The following ZNF597 variants were observed in gnomAD, a reference collection of about 807,000 sequenced individuals.
ZNF597 encodes zinc finger protein 597.
Under a neutral mutation model 7.3 loss-of-function variants are expected in ZNF597, and 5 were observed. That is an observed-to-expected ratio of 0.68 (90% CI 0.36 to 1.44). The LOEUF is 1.44. Among genes scored for constraint, ZNF597 ranks in the 40% most tolerant of loss-of-function variants. ZNF597 has a pLI of 0.04. For synonymous variants in ZNF597, 209 were observed against 185.4 expected (o/e 1.13, Z -1.04); for missense variants, 585 against 517.9 (o/e 1.13, Z -1.26).
Position 3,433,334 on chromosome 16 carries a change from T to C in ZNF597, c.*3090A>G, listed in dbSNP as rs1682500676. On this transcript the variant is annotated 3_prime_UTR_variant, in exon 4 of 4. Transcript: ENST00000301744. Reference sequence around the variant, plus strand: ...CATCAATGACGACTGTTTAAAAGACTGTTTAACTATTCCAGCAATCATGTT... The same window carrying C: ...CATCAATGACGACTGTTTAAAAGACCGTTTAACTATTCCAGCAATCATGTT... 6.6e-6 allele frequency: 1 copy of C among 152,164 alleles called. No individual in the cohort carries two copies. The highest frequency in any genetic ancestry group is 2.4e-5 in the African/African-American group (1 of 41,370). 9.4% of individuals were successfully genotyped at this position (152,164 alleles called of 1,614,324 possible).
Position 3,440,815 on chromosome 16 carries a change from G to C in ZNF597, c.152C>G (p.Ala51Gly). The C allele has an allele frequency of 6.2e-7, 1 of 1,613,768 alleles. No individual in the cohort carries two copies. Among genetic ancestry groups the C allele is most frequent in the East Asian group, 2.2e-5 (1 of 44,866 alleles). Residue 51 changes from alanine (A) to glycine (G), a missense_variant, in exon 3 of 4, where the codon GCT (alanine) becomes GGT (glycine). Ala to Gly is a moderately conservative substitution (Grantham distance 60). Transcript: ENST00000301744. ...DGTKESLEDA[A>G]LMGEEGKPEI... ...AAAAACAATTGCCTTACCCATCAAA[G>C]CCGCATCCTCCAAAGACTCTTTTGT... is the stretch of plus-strand genomic sequence containing the variant.
chr16:3,443,074 G>T, intron 2 of ZNF597, 47 bp downstream of exon 2: 8 of 1,613,374 alleles, frequency 5.0e-6, no homozygotes, highest in Non-Finnish European at 5.9e-6. Flanking sequence ...GTCAGGCAGA[G>T]ACCGAAAGCA....
In ZNF597 at chr16:3,434,284, T is replaced by C. The variant is rs1275500025; in HGVS notation, c.*2140A>G. Reference sequence around the variant, plus strand: ...TCTTAGGGCCCCTGATATGTGCTGATGAGGCTCCTGCCAGTTTCTCCCACT... The same window carrying C: ...TCTTAGGGCCCCTGATATGTGCTGACGAGGCTCCTGCCAGTTTCTCCCACT... On this transcript the variant is annotated 3_prime_UTR_variant, in exon 4 of 4. Coordinates refer to ENST00000301744, the MANE Select transcript of ZNF597 (RefSeq NM_152457.3). The C allele has an allele frequency of 6.6e-6, 1 of 152,222 alleles. No individual in the cohort carries two copies. 9.4% of individuals were successfully genotyped at this position (152,222 alleles called of 1,614,324 possible).
chr16:3,440,688 C>G, intron 3 of ZNF597, 119 bp downstream of exon 3: 1 of 1,300,346 alleles, frequency 7.7e-7, no homozygotes, highest in South Asian at 1.4e-5. Flanking sequence ...CAATTATCAC[C>G]TCCACATAAA....
intron 3 of ZNF597, among the ~76,000 whole-genome samples, chr16:3,438,823 C>T (rs2034333324): frequency 6.6e-6 from 1 of 151,980 alleles, no homozygotes. Context: ...TCCAAGTATT[C>T]TTCAGTTATA....
chr16:3,438,514 G>T (rs936585424), intron 3 of ZNF597, among the ~76,000 whole-genome samples: 5 of 151,152 alleles, frequency 3.3e-5, no homozygotes, highest in African/African-American at 1.2e-4. Context: ...AGTGAGCCGA[G>T]ATCGCGCCAC....
At position 3,433,867 on chromosome 16, in the gene ZNF597, A is replaced by T. The variant is rs2034275781; in HGVS notation, c.*2557T>A. ...TACTAATCATTAACAGTATTATACC[A>T]AAAAGCCATTTTAGTTCTACCCACA... On this transcript the variant is annotated 3_prime_UTR_variant, in exon 4 of 4. Transcript: ENST00000301744. 1 of 152,194 alleles carries T rather than the reference A, an allele frequency of 6.6e-6. No individual in the cohort carries two copies. The highest frequency in any genetic ancestry group is 2.4e-5 in the African/African-American group (1 of 41,448). 9.4% of individuals were successfully genotyped at this position (152,194 alleles called of 1,614,324 possible).
Position 3,435,632 on chromosome 16 carries a change from C to T in ZNF597, c.*792G>A, listed in dbSNP as rs2034293118. On this transcript the variant is annotated 3_prime_UTR_variant, in exon 4 of 4. Coordinates refer to ENST00000301744, the MANE Select transcript of ZNF597 (RefSeq NM_152457.3). ...ATATCTAAAGTAGCTAGCATGCTCA[C>T]TGAGAAACAATTACAATTATTCATA... 1 of 152,114 alleles carries T rather than the reference C, an allele frequency of 6.6e-6. No homozygotes were observed. The highest frequency in any genetic ancestry group is 1.5e-5 in the Non-Finnish European group (1 of 68,012). 9.4% of individuals were successfully genotyped at this position (152,114 alleles called of 1,614,324 possible). A position where few individuals can be genotyped will look rare whatever the true frequency, so the allele number is the denominator to read the frequency against.
intron 2 of ZNF597, 110 bp from the exon 3 acceptor site, chr16:3,441,043 C>T (rs2150934247): frequency 4.2e-6 from 6 of 1,441,066 alleles, no homozygotes; most frequent in Admixed American, 2.3e-5. Flanking sequence ...ATAAAAGGCT[C>T]GGTGTAAAAG....
Position 3,436,536 on chromosome 16 carries a change from T to C in ZNF597, c.1163A>G (p.Gln388Arg), listed in dbSNP as rs970799418. The part of the protein sequence containing the change: ...FALDSELACH[Q>R]KSHMLAEPFK... ...AGGTTCCGCTAGCATGTGGCTCTTC[T>C]GGTGGCATGCAAGTTCTGAGTCCAA... The change falls in exon 4 of 4, where the codon CAG becomes CGG. Residue 388 changes from glutamine (Q) to arginine (R), a missense_variant. Coordinates refer to ENST00000301744, the MANE Select transcript of ZNF597 (RefSeq NM_152457.3). 8.7e-6 allele frequency: 14 copies of C among 1,614,030 alleles called. No homozygotes were observed. The highest frequency in any genetic ancestry group is 5.0e-5 in the Admixed American group (3 of 59,994).
intron 3 of ZNF597, among the ~76,000 whole-genome samples, chr16:3,439,322 G>C (rs552417597): frequency 6.6e-6 from 1 of 152,214 alleles, no homozygotes; most frequent in Admixed American, 6.5e-5. Context: ...GGTCAGGGCT[G>C]CAGTGAGCCG....
Position 3,437,160 on chromosome 16 carries a change from C to T in ZNF597, c.539G>A (p.Gly180Glu), listed in dbSNP as rs778096126. 3.1e-6 allele frequency: 5 copies of T among 1,614,020 alleles called. No individual in the cohort carries two copies. The South Asian group carries it at 4.4e-5, about 14-fold the overall frequency. ...GTCACCACATTTATGTTTTTTCTCT[C>T]CTGAATGAATTTTCTGATGCAAAAC... ...YLVLHQKIHS[G>E]EKKHKCGDCG... is the part of the protein sequence containing the mutation. The change falls in exon 4 of 4, where the codon GGA (glycine) becomes GAA (glutamate). Residue 180 changes from glycine (G) to glutamate (E), a missense_variant. Physicochemically the swap from Gly to Glu is moderately conservative, Grantham distance 98. Transcript: ENST00000301744.
chr16:3,443,107 G>T lies in ZNF597; in HGVS notation c.33+14C>A. 9 of 1,614,196 alleles carry T rather than the reference G, an allele frequency of 5.6e-6. No homozygotes were observed. The highest frequency in any genetic ancestry group is 7.6e-6 in the Non-Finnish European group (9 of 1,180,024). On this transcript the variant is annotated intron_variant, in intron 2 of 3. Coordinates refer to ENST00000301744, the MANE Select transcript of ZNF597 (RefSeq NM_152457.3). ...GCAGCAATAAACTTGGACGAAAAAG[G>T]TACCTCGACTCACCTGGGCCTCGGG...
Position 3,440,932 on chromosome 16 carries a change from C to A in ZNF597, c.35G>T (p.Gly12Val). The change falls in exon 3 of 4, where the codon GGA (glycine) becomes GTA (valine). Residue 12 changes from glycine to valine, a missense_variant and splice_region_variant. Physicochemically the swap from Gly to Val is moderately radical, Grantham distance 109 (BLOSUM62 -3). Coordinates refer to ENST00000301744, the MANE Select transcript of ZNF597 (RefSeq NM_152457.3). ...ASMPPTPEAQGPILFEDLAVY... is the reference protein window; with the variant it reads ...ASMPPTPEAQVPILFEDLAVY... ...AGCCAGATCCTCAAAGAGTATTGGT[C>A]CCTGAAACACAAGAGCCTGTGTCAG... The A allele has an allele frequency of 6.2e-7, 1 of 1,612,982 alleles. No individual in the cohort carries two copies. The highest frequency in any genetic ancestry group is 1.1e-5 in the South Asian group (1 of 90,940).
Position 3,436,985 on chromosome 16 carries a change from C to T in ZNF597, c.714G>A (p.Lys238=), listed in dbSNP as rs1444849785. 1 of 1,614,184 alleles carries T rather than the reference C, an allele frequency of 6.2e-7. No homozygotes were observed. The highest frequency in any genetic ancestry group is 1.1e-5 in the South Asian group (1 of 91,086). The change falls in exon 4 of 4, where the codon AAG becomes AAA. Residue 238 remains lysine (K), a synonymous_variant. Coordinates refer to ENST00000301744, the MANE Select transcript of ZNF597 (RefSeq NM_152457.3). ...SRHMNSHVKE[K]PYTCSICGRG... Reference sequence around the variant, plus strand: ...TACCACATATGCTACATGTATAGGGCTTCTCCTTTACGTGGCTATTCATGT... The same window carrying T: ...TACCACATATGCTACATGTATAGGGTTTCTCCTTTACGTGGCTATTCATGT...
At position 3,436,366 on chromosome 16, in the gene ZNF597, T is replaced by C; in HGVS notation, c.*58A>G. 1 of 1,524,554 alleles carries C rather than the reference T, an allele frequency of 6.6e-7. No individual in the cohort carries two copies. The highest frequency in any genetic ancestry group is 1.2e-5 in the South Asian group (1 of 80,848). 94.4% of individuals were successfully genotyped at this position (1,524,554 alleles called of 1,614,324 possible). A position where few individuals can be genotyped will look rare whatever the true frequency, so the allele number is the denominator to read the frequency against. ...TGCCTGGGACATATACAGTAACTGC[T>C]TCCCACCATACAGATACTGAAAAGC... On this transcript the variant is annotated 3_prime_UTR_variant, in exon 4 of 4. Coordinates refer to ENST00000301744, the MANE Select transcript of ZNF597 (RefSeq NM_152457.3).
At chr16:3,438,799 C>A (rs546544660) in intron 3 of ZNF597, among the ~76,000 whole-genome samples, 3 of 152,198 alleles carry the variant, frequency 2.0e-5, no homozygotes, top group South Asian at 2.1e-4. Flanking sequence ...AACTAACATT[C>A]CTGTGTAATA....
intron 1 of ZNF597, 40 bp from the exon 2 acceptor site, chr16:3,443,246 G>C: frequency 1.5e-6 from 2 of 1,325,054 alleles, no homozygotes; most frequent in South Asian, 2.7e-5. Flanking sequence ...GACCAATTCC[G>C]CTGCCAAGTT....
At chr16:3,437,601 AG>A in intron 3 of ZNF597, 63 bp from the exon 4 acceptor site, 1 of 1,510,010 alleles carries the variant, frequency 6.6e-7, no homozygotes, top group South Asian at 1.4e-5. Flanking sequence ...CTGGGGAAAA[AG>A]TAAGCTAAGG....
Sources: allele counts gnomAD v4.1 joint callset (sites outside exome capture counted in the v4.1 genomes callset), GRCh38; gene constraint gnomAD v4.1.1; transcripts MANE v1.5; gene names NCBI Gene and HGNC (gene_info 2026-07-23, HGNC 2026-07-21).